The following HAAO variants were observed in gnomAD, a reference collection of about 807,000 sequenced individuals.
The protein encoded by HAAO is 3-hydroxyanthranilate 3,4-dioxygenase.
In HAAO, 49 loss-of-function variants were observed where a neutral mutation model predicts 46.2. That is an observed-to-expected ratio of 1.06 (90% CI 0.84 to 1.34). HAAO has a LOEUF of 1.34. Ranked by LOEUF, HAAO falls within the 40% of genes most tolerant of loss-of-function variation. The pLI is 0.00. For missense variants in HAAO, 408 were observed against 364.5 expected (o/e 1.12, Z -0.97); for synonymous variants, 157 against 145.2 (o/e 1.08, Z -0.58).
Position 42,767,532 on chromosome 2 carries a change from G to A in HAAO, c.783-17C>T, listed in dbSNP as rs1413281514. ...CAGGCATACCTGTGGACACACAGAT[G>A]AGCAGGGATCACACAGAGTTGGACC... On this transcript the variant is annotated splice_polypyrimidine_tract_variant and intron_variant, in intron 9 of 9. Transcript: ENST00000294973. 1.2e-6 allele frequency: 2 copies of A among 1,605,674 alleles called. No homozygotes were observed. The highest frequency in any genetic ancestry group is 2.2e-5 in the East Asian group (1 of 44,722).
intron 4 of HAAO, among the ~76,000 whole-genome samples, chr2:42,780,868 C>T (rs191951451): frequency 2.0e-5 from 3 of 148,352 alleles, no homozygotes; most frequent in African/African-American, 7.5e-5. Flanking sequence ...GAGAGCGAGA[C>T]CATCCTGGCT....
At chr2:42,770,988 G>A (rs1252438842) in intron 4 of HAAO, among the ~76,000 whole-genome samples, 1 of 152,156 alleles carries the variant, frequency 6.6e-6, no homozygotes, top group African/African-American at 2.4e-5. Flanking sequence ...TTTGTTTTTC[G>A]CAAAGAGGAA....
At chr2:42,791,394 T>G (rs10196492) in intron 1 of HAAO, among the ~76,000 whole-genome samples, 121,654 of 152,006 alleles carry the variant, frequency 0.8, 49,048 homozygotes, top group Middle Eastern at 0.93. Flanking sequence ...GGATGAAGTG[T>G]TGGAAGGAGG....
intron 2 of HAAO, among the ~76,000 whole-genome samples, chr2:42,787,088 A>G (rs1672444952): frequency 6.6e-6 from 1 of 152,190 alleles, no homozygotes; most frequent in Non-Finnish European, 1.5e-5. Flanking sequence ...ACCTCCAGCC[A>G]GATTCCTCCC....
Position 42,767,896 on chromosome 2 carries a change from G to A in HAAO, c.663C>T (p.Gly221=), listed in dbSNP as rs1341347579. The A allele has an allele frequency of 4.3e-6, 7 of 1,614,000 alleles. No homozygotes were observed. The highest frequency in any genetic ancestry group is 5.9e-6 in the Non-Finnish European group (7 of 1,179,852). Residue 221 remains glycine, a synonymous_variant, in exon 8 of 10, where the codon GGC becomes GGT. Coordinates refer to ENST00000294973, the MANE Select transcript of HAAO (RefSeq NM_012205.3). ...VIAYGQGSSE[G]LRQNVDVWLW... ...GCCACACGTCCACATTCTGTCTCAG[G>A]CCTTCGCTGCTGCCTTGCCCATAGG...
At chr2:42,783,211 C>T (rs1309757574) in intron 4 of HAAO, 103 bp downstream of exon 4, 21 of 689,612 alleles carry the variant, frequency 3.0e-5, no homozygotes, top group Non-Finnish European at 4.6e-5. Context: ...GTGGCCAGGA[C>T]GTGCTTTCTT....
chr2:42,767,477 G>C lies in HAAO; in HGVS notation c.821C>G (p.Ser274Cys). 1 of 1,613,404 alleles carries C rather than the reference G, an allele frequency of 6.2e-7. No individual in the cohort carries two copies. Among genetic ancestry groups the C allele is most frequent in the South Asian group, 1.1e-5 (1 of 90,870 alleles). ...CTTGCAGGCAGGGTCCTGGGTCACA[G>C]ACAGGGCCACAGAGCCTTGTGTTCG... is the stretch of plus-strand genomic sequence containing the variant. ...WERTQGSVALSVTQDPACKKP... is the reference protein window; with the variant it reads ...WERTQGSVALCVTQDPACKKP... Residue 274 changes from serine to cysteine, a missense_variant, in exon 10 of 10, where the codon TCT becomes TGT. Ser to Cys is a moderately radical substitution (Grantham distance 112). Transcript: ENST00000294973.
At position 42,767,927 on chromosome 2, in the gene HAAO, A is replaced by T; in HGVS notation, c.632T>A (p.Val211Glu). The T allele has an allele frequency of 6.2e-7, 1 of 1,613,536 alleles. No homozygotes were observed. Among genetic ancestry groups the T allele is most frequent in the South Asian group, 1.1e-5 (1 of 91,078 alleles). The change falls in exon 8 of 10, where the codon GTG becomes GAG. Residue 211 changes from valine (V) to glutamate (E), a missense_variant and splice_region_variant. Val to Glu is a moderately radical substitution (Grantham distance 121, BLOSUM62 -2). Coordinates refer to ENST00000294973, the MANE Select transcript of HAAO (RefSeq NM_012205.3). Reference sequence around the variant, plus strand: ...GCTGCTGCCTTGCCCATAGGCGATCACCTGGTGGGAGGTGAAACAGAAACT... The same window carrying T: ...GCTGCTGCCTTGCCCATAGGCGATCTCCTGGTGGGAGGTGAAACAGAAACT... ...SLFGDTYETQVIAYGQGSSEG... is the reference protein window; with the variant it reads ...SLFGDTYETQEIAYGQGSSEG...
Position 42,783,911 on chromosome 2 carries a change from C to A in HAAO, c.160-44G>T, listed in dbSNP as rs180838729. The A allele has an allele frequency of 1.4e-4, 224 of 1,576,550 alleles. No individual in the cohort carries two copies. In the African/African-American group the frequency reaches 2.8e-3, roughly 20 times the overall value. ...GCTTGGACCCTCCGCACTTTCTCTT[C>A]CAGGTCCTTGGCCACTGCCCAGGCC... is the stretch of plus-strand genomic sequence containing the variant. On this transcript the variant is annotated intron_variant, in intron 2 of 9. Transcript: ENST00000294973.
In HAAO at chr2:42,783,831, C is replaced by G; in HGVS notation, c.196G>C (p.Val66Leu). The G allele has an allele frequency of 6.2e-7, 1 of 1,612,858 alleles. No homozygotes were observed. The change falls in exon 3 of 10, where the codon GTC becomes CTC. Residue 66 changes from valine (V) to leucine (L), a missense_variant. Val to Leu is a conservative substitution (Grantham distance 32). Transcript: ENST00000294973. The stretch of plus-strand genomic sequence containing the variant: ...TCCCGGTGTTTCCCTTGCTCCAGGA[C>G]TCGGAGAACCATGTCTCCCTCCAGC... ...YQLEGDMVLRVLEQGKHRDVV... is the reference protein window; with the variant it reads ...YQLEGDMVLRLLEQGKHRDVV...
chr2:42,788,927 A>C, intron 1 of HAAO: 1 of 342,146 alleles, frequency 2.9e-6, no homozygotes, highest in Admixed American at 3.8e-5. Context: ...AAGATCTCGA[A>C]TTACAGGAGA....
chr2:42,767,248 G>A lies in HAAO; in HGVS notation c.*189C>T, dbSNP rs1169768737. 4.9e-6 allele frequency: 3 copies of A among 617,020 alleles called. No individual in the cohort carries two copies. The highest frequency in any genetic ancestry group is 8.8e-6 in the Non-Finnish European group (3 of 342,162). 38.2% of individuals were successfully genotyped at this position (617,020 alleles called of 1,614,324 possible). On this transcript the variant is annotated 3_prime_UTR_variant, in exon 10 of 10. Transcript: ENST00000294973. ...AGTCTGCCAGAGAAGATGGGGAGCT[G>A]CTGCCCGCCCAGGGGCATGGCATCT...
intron 1 of HAAO, among the ~76,000 whole-genome samples, chr2:42,789,559 ACT>A (rs898392745): frequency 1.1e-4 from 12 of 108,382 alleles, no homozygotes; most frequent in Middle Eastern, 4.9e-3. Flanking sequence ...ACAGGGGGAG[ACT>A]CTGTCTTAAA....
At position 42,780,211 on chromosome 2, in the gene HAAO, AT is replaced by A. The variant is rs58338551; in HGVS notation, c.350+3102del. Among the ~76,000 whole-genome samples the A allele has an allele frequency of 4.7e-3, 649 of 137,684 alleles. 3 individuals carry two copies. Among genetic ancestry groups the A allele is most frequent in the African/African-American group, 0.012 (452 of 36,804 alleles). The allele number at this position is 137,684 out of a possible 152,430, so 90.3% of individuals were successfully genotyped here. A position where few individuals can be genotyped will look rare whatever the true frequency, so the allele number is the denominator to read the frequency against. The stretch of plus-strand genomic sequence containing the variant: ...AGAACACAGGTGTTCTTTTTTTTTA[AT>A]TTTTTTTTTTTTTTAAGATGGAGTC... On this transcript the variant is annotated intron_variant, in intron 4 of 9. Transcript: ENST00000294973.
intron 2 of HAAO, among the ~76,000 whole-genome samples, chr2:42,787,747 G>A (rs1419889295): frequency 6.6e-6 from 1 of 152,176 alleles, no homozygotes; most frequent in Non-Finnish European, 1.5e-5. Flanking sequence ...CCCCCAGAAT[G>A]AGGCTCCCTG....
rs757076673 is a variant in HAAO, at chr2:42,767,502, G to A, written c.796C>T (p.Arg266Ter). The A allele has an allele frequency of 1.1e-5, 17 of 1,611,814 alleles. No individual in the cohort carries two copies. Among genetic ancestry groups the A allele is most frequent in the Admixed American group, 3.3e-5 (2 of 59,758 alleles). The change falls in exon 10 of 10, where the codon CGA becomes TGA. Residue 266 changes from arginine (R) to a stop codon, truncating the protein, a stop_gained. Coordinates refer to ENST00000294973, the MANE Select transcript of HAAO (RefSeq NM_012205.3). LOFTEE classifies it high-confidence loss of function. ...GACAGGGCCACAGAGCCTTGTGTTC[G>A]CTCCCAGGCATACCTGTGGACACAC... ...VLAGTSYAWE[R>*]TQGSVALSVT...
At chr2:42,782,469 A>T (rs1177011557) in intron 4 of HAAO, among the ~76,000 whole-genome samples, 1 of 152,224 alleles carries the variant, frequency 6.6e-6, no homozygotes, top group Non-Finnish European at 1.5e-5. Flanking sequence ...GGAATAAACC[A>T]TCCTAGCCAT....
At chr2:42,792,397 G>A (rs1423819559) in intron 1 of HAAO, 60 bp downstream of exon 1, 48 of 897,726 alleles carry the variant, frequency 5.3e-5, no homozygotes, top group Non-Finnish European at 6.9e-5. Context: ...AGGTGAGGGC[G>A]CAGATGGAGG....
At position 42,782,968 on chromosome 2, in the gene HAAO, G is replaced by A. The variant is rs114599871; in HGVS notation, c.350+346C>T. The stretch of plus-strand genomic sequence containing the variant: ...TCCTGAGGCTGTGTCACGGGCACAC[G>A]TCCTCAACCTTGGCAAAACAAACTT... On this transcript the variant is annotated intron_variant, in intron 4 of 9. Transcript: ENST00000294973. 1,764 of 429,924 alleles carry A rather than the reference G, an allele frequency of 4.1e-3. 21 individuals carry two copies. The highest frequency in any genetic ancestry group is 0.033 in the African/African-American group (1,596 of 47,914). The allele number at this position is 429,924 out of a possible 1,614,324, so 26.6% of individuals were successfully genotyped here.
Sources: gnomAD v4.1 joint callset for allele counts (sites outside exome capture counted in the v4.1 genomes callset) on GRCh38, gnomAD v4.1.1 for gene constraint, MANE v1.5 for transcripts, NCBI Gene and HGNC (gene_info 2026-07-23, HGNC 2026-07-21) for gene names.